The following TAAR6 variants were observed in gnomAD, a reference collection of about 807,000 sequenced individuals.
TAAR6 encodes trace amine-associated receptor 6.
TAAR6 carries 15 observed loss-of-function variants against 18.4 expected under a neutral mutation model. That is an observed-to-expected ratio of 0.82 (90% CI 0.55 to 1.26). The LOEUF is 1.26. TAAR6 is among the 50% of genes most tolerant of loss of function. TAAR6 has a pLI of 0.00. For missense variants in TAAR6, 501 were observed against 415.9 expected (o/e 1.20, Z -1.78); for synonymous variants, 192 against 162.4 (o/e 1.18, Z -1.39).
At position 132,570,713 on chromosome 6, in the gene TAAR6, A is replaced by G. The variant is rs1401506452; in HGVS notation, c.392A>G (p.Tyr131Cys). 1.9e-6 allele frequency: 3 copies of G among 1,614,124 alleles called. No individual in the cohort carries two copies. The highest frequency in any genetic ancestry group is 1.1e-5 in the South Asian group (1 of 91,078). ...TTGTGCTTCATCTCCATCGACAGGT[A>G]CATTGCGGTTACTGACCCCCTGGTC... ...FHLCFISIDR[Y>C]IAVTDPLVYP... The change falls in exon 1 of 1, where the codon TAC (tyrosine) becomes TGC (cysteine). Residue 131 changes from tyrosine (Y) to cysteine (C), a missense_variant. Tyr to Cys is a radical substitution (Grantham distance 194, BLOSUM62 -2). Transcript: ENST00000275198.
Position 132,571,154 on chromosome 6 carries a change from C to A in TAAR6, c.833C>A (p.Ser278Ter). ...MISWLPYSID[S>*]LIDAFMGFIT... ...TCATGGTTACCATATAGCATTGATT[C>A]ATTAATTGATGCCTTTATGGGCTTT... The change falls in exon 1 of 1, where the codon TCA becomes TAA. Residue 278 changes from serine to a stop codon, truncating the protein, a stop_gained. Coordinates refer to ENST00000275198, the MANE Select transcript of TAAR6 (RefSeq NM_175067.1). LOFTEE classifies it high-confidence loss of function. 2.5e-6 allele frequency: 4 copies of A among 1,613,982 alleles called. No individual in the cohort carries two copies. Among genetic ancestry groups the A allele is most frequent in the Non-Finnish European group, 3.4e-6 (4 of 1,179,966 alleles).
rs41298393 is a variant in TAAR6 at position 132,570,536 on chromosome 6, C to A, written c.215C>A (p.Ala72Asp). ...QLHSPTNFLV[A>D]SLACADFLVG... ...CACTCTCCGACCAATTTTCTCGTTG[C>A]CTCTCTGGCCTGCGCTGATTTCTTG... The change falls in exon 1 of 1, where the codon GCC (alanine) becomes GAC (aspartate). Residue 72 changes from alanine to aspartate, a missense_variant. By Grantham distance (126) the Ala-to-Asp change is moderately radical. Coordinates refer to ENST00000275198, the MANE Select transcript of TAAR6 (RefSeq NM_175067.1). The A allele has an allele frequency of 6.2e-7, 1 of 1,613,966 alleles. No individual in the cohort carries two copies. Among genetic ancestry groups the A allele is most frequent in the Non-Finnish European group, 8.5e-7 (1 of 1,179,988 alleles).
At position 132,571,062 on chromosome 6, in the gene TAAR6, C is replaced by CA; in HGVS notation, c.742dup (p.Arg248LysfsTer11). 1 of 1,613,996 alleles carries CA rather than the reference C, an allele frequency of 6.2e-7. No homozygotes were observed. Among genetic ancestry groups the CA allele is most frequent in the Non-Finnish European group, 8.5e-7 (1 of 1,179,992 alleles). On this transcript the variant is annotated frameshift_variant, in exon 1 of 1. Coordinates refer to ENST00000275198, the MANE Select transcript of TAAR6 (RefSeq NM_175067.1). LOFTEE classifies it high-confidence loss of function. ...AATCATCCTCAGAGAGTTACAAAGC[C>CA]AGAGTGGCCAGGAGAGAGAGAAAAG... is the stretch of plus-strand genomic sequence containing the variant.
chr6:132,570,370 A>T lies in TAAR6; in HGVS notation c.49A>T (p.Asn17Tyr). ...LLVAVQLCYA[N>Y]VNGSCVKIPF... ...GGTGGCTGTGCAGCTGTGCTACGCGAACGTGAATGGGTCCTGTGTGAAAAT... is the reference window on the plus strand; with the variant it reads ...GGTGGCTGTGCAGCTGTGCTACGCGTACGTGAATGGGTCCTGTGTGAAAAT... Residue 17 changes from asparagine to tyrosine, a missense_variant, in exon 1 of 1, where the codon AAC becomes TAC. Transcript: ENST00000275198. 6.2e-7 allele frequency: 1 copy of T among 1,614,040 alleles called. No individual in the cohort carries two copies. The highest frequency in any genetic ancestry group is 2.2e-5 in the East Asian group (1 of 44,878).
In TAAR6 at chr6:132,570,582, C is replaced by T. The variant is rs994006020; in HGVS notation, c.261C>T (p.Pro87=). 2 of 1,613,982 alleles carry T rather than the reference C, an allele frequency of 1.2e-6. No individual in the cohort carries two copies. The highest frequency in any genetic ancestry group is 2.7e-5 in the African/African-American group (2 of 74,902). Residue 87 remains proline, a synonymous_variant, in exon 1 of 1, where the codon CCC becomes CCT. Coordinates refer to ENST00000275198, the MANE Select transcript of TAAR6 (RefSeq NM_175067.1). The stretch of plus-strand genomic sequence containing the variant: ...TCTTGGTGGGTGTGACTGTGATGCC[C>T]TTCAGCATGGTCAGGACGGTGGAGA... The part of the protein sequence containing the change: ...ADFLVGVTVM[P]FSMVRTVESC...
rs144101124 is a variant in TAAR6 at position 132,571,143 on chromosome 6, T to C, written c.822T>C (p.Tyr274=). Reference sequence around the variant, plus strand: ...CATTTATGATTTCATGGTTACCATATAGCATTGATTCATTAATTGATGCCT... The same window carrying C: ...CATTTATGATTTCATGGTTACCATACAGCATTGATTCATTAATTGATGCCT... ...VVAFMISWLP[Y]SIDSLIDAFM... The change falls in exon 1 of 1, where the codon TAT becomes TAC. Residue 274 remains tyrosine, a synonymous_variant. Transcript: ENST00000275198. 151 of 1,614,118 alleles carry C rather than the reference T, an allele frequency of 9.4e-5. 1 individual carries two copies. Among genetic ancestry groups the C allele is most frequent in the Middle Eastern group, 6.6e-4 (4 of 6,058 alleles).
Position 132,571,082 on chromosome 6 carries a change from G to T in TAAR6, c.761G>T (p.Arg254Ile). 1.9e-6 allele frequency: 3 copies of T among 1,614,080 alleles called. No homozygotes were observed. The highest frequency in any genetic ancestry group is 1.7e-6 in the Non-Finnish European group (2 of 1,179,988). ...AAAGCCAGAGTGGCCAGGAGAGAGA[G>T]AAAAGCAGCTAAAACCCTGGGGGTC... ...SYKARVARRE[R>I]KAAKTLGVTV... Residue 254 changes from arginine to isoleucine, a missense_variant, in exon 1 of 1, where the codon AGA becomes ATA. Coordinates refer to ENST00000275198, the MANE Select transcript of TAAR6 (RefSeq NM_175067.1).
chr6:132,570,861 A>T lies in TAAR6; in HGVS notation c.540A>T (p.Leu180Phe), dbSNP rs901294986. The stretch of plus-strand genomic sequence containing the variant: ...TCTATGACGATGGGCTGGAGGAATT[A>T]TCTGATGCCCTAAACTGTATAGGAG... ...TGVYDDGLEE[L>F]SDALNCIGGC... Residue 180 changes from leucine to phenylalanine, a missense_variant, in exon 1 of 1, where the codon TTA becomes TTT. Leu to Phe is a conservative substitution (Grantham distance 22). Transcript: ENST00000275198. 2 of 1,614,038 alleles carry T rather than the reference A, an allele frequency of 1.2e-6. No individual in the cohort carries two copies. Among genetic ancestry groups the T allele is most frequent in the Non-Finnish European group, 1.7e-6 (2 of 1,180,004 alleles).
Position 132,570,741 on chromosome 6 carries a change from T to C in TAAR6, c.420T>C (p.Tyr140=). 4.3e-6 allele frequency: 7 copies of C among 1,614,178 alleles called. No homozygotes were observed. Among genetic ancestry groups the C allele is most frequent in the Non-Finnish European group, 5.9e-6 (7 of 1,179,996 alleles). ...TTGCGGTTACTGACCCCCTGGTCTA[T>C]CCTACCAAGTTCACCGTATCTGTGT... ...RYIAVTDPLV[Y]PTKFTVSVSG... Residue 140 remains tyrosine (Y), a synonymous_variant, in exon 1 of 1, where the codon TAT becomes TAC. Transcript: ENST00000275198.
At position 132,571,022 on chromosome 6, in the gene TAAR6, C is replaced by G. The variant is rs369763872; in HGVS notation, c.701C>G (p.Thr234Ser). The G allele has an allele frequency of 6.2e-7, 1 of 1,614,004 alleles. No homozygotes were observed. The highest frequency in any genetic ancestry group is 2.2e-5 in the East Asian group (1 of 44,834). The change falls in exon 1 of 1, where the codon ACT becomes AGT. Residue 234 changes from threonine to serine, a missense_variant. Thr to Ser is a moderately conservative substitution (Grantham distance 58). Coordinates refer to ENST00000275198, the MANE Select transcript of TAAR6 (RefSeq NM_175067.1). The part of the protein sequence containing the change: ...ARRQAKKIEN[T>S]GSKTESSSES... Reference sequence around the variant, plus strand: ...CGACAGGCGAAAAAGATAGAAAATACTGGTAGCAAGACAGAATCATCCTCA... The same window carrying G: ...CGACAGGCGAAAAAGATAGAAAATAGTGGTAGCAAGACAGAATCATCCTCA...
Position 132,571,118 on chromosome 6 carries a change from C to T in TAAR6, c.797C>T (p.Ala266Val). ...AAKTLGVTVV[A>V]FMISWLPYSI... ...AAAACCCTGGGGGTCACAGTGGTAG[C>T]ATTTATGATTTCATGGTTACCATAT... Residue 266 changes from alanine to valine, a missense_variant, in exon 1 of 1, where the codon GCA (alanine) becomes GTA (valine). By Grantham distance (64) the Ala-to-Val change is moderately conservative. Transcript: ENST00000275198. The T allele has an allele frequency of 6.2e-7, 1 of 1,613,996 alleles. No individual in the cohort carries two copies. The highest frequency in any genetic ancestry group is 1.3e-5 in the African/African-American group (1 of 75,012).
chr6:132,571,146 C>A lies in TAAR6; in HGVS notation c.825C>A (p.Ser275Arg), dbSNP rs763614251. 1 of 1,613,910 alleles carries A rather than the reference C, an allele frequency of 6.2e-7. No homozygotes were observed. Among genetic ancestry groups the A allele is most frequent in the Non-Finnish European group, 8.5e-7 (1 of 1,179,976 alleles). Reference protein sequence around the residue: ...VAFMISWLPYSIDSLIDAFMG... With the variant: ...VAFMISWLPYRIDSLIDAFMG... ...TTATGATTTCATGGTTACCATATAG[C>A]ATTGATTCATTAATTGATGCCTTTA... The change falls in exon 1 of 1, where the codon AGC (serine) becomes AGA (arginine). Residue 275 changes from serine (S) to arginine (R), a missense_variant. Physicochemically the swap from Ser to Arg is moderately radical, Grantham distance 110 (BLOSUM62 -1). Transcript: ENST00000275198.
Position 132,570,789 on chromosome 6 carries a change from C to G in TAAR6, c.468C>G (p.Ser156=), listed in dbSNP as rs763440114. Reference sequence around the variant, plus strand: ...TGTCAGGAATTTGCATCAGCGTGTCCTGGATCCTGCCCCTCATGTACAGCG... The same window carrying G: ...TGTCAGGAATTTGCATCAGCGTGTCGTGGATCCTGCCCCTCATGTACAGCG... The part of the protein sequence containing the change: ...VSVSGICISV[S]WILPLMYSGA... The change falls in exon 1 of 1, where the codon TCC becomes TCG. Residue 156 remains serine, a synonymous_variant. Transcript: ENST00000275198. The G allele has an allele frequency of 3.1e-6, 5 of 1,613,996 alleles. No homozygotes were observed. Among genetic ancestry groups the G allele is most frequent in the Admixed American group, 1.7e-5 (1 of 59,994 alleles).
At position 132,570,778 on chromosome 6, in the gene TAAR6, A is replaced by T; in HGVS notation, c.457A>T (p.Ile153Phe). The T allele has an allele frequency of 6.2e-7, 1 of 1,614,104 alleles. No individual in the cohort carries two copies. The highest frequency in any genetic ancestry group is 8.5e-7 in the Non-Finnish European group (1 of 1,179,992). The change falls in exon 1 of 1, where the codon ATC becomes TTC. Residue 153 changes from isoleucine (I) to phenylalanine (F), a missense_variant. Ile to Phe is a conservative substitution (Grantham distance 21). Transcript: ENST00000275198. ...CACCGTATCTGTGTCAGGAATTTGC[A>T]TCAGCGTGTCCTGGATCCTGCCCCT... is the stretch of plus-strand genomic sequence containing the variant. ...KFTVSVSGIC[I>F]SVSWILPLMY...
rs1562181140 is a variant in TAAR6 at position 132,571,180 on chromosome 6, AT to A, written c.860del (p.Ile287LysfsTer20). 1 of 1,614,100 alleles carries A rather than the reference AT, an allele frequency of 6.2e-7. No homozygotes were observed. ...DSLIDAFMGFITPACIYEICC... is the reference protein window; with the variant it reads ...DSLIDAFMGFXTPACIYEICC... ...ATTAATTGATGCCTTTATGGGCTTT[AT>A]AACCCCTGCCTGTATTTATGAGATT... On this transcript the variant is annotated frameshift_variant, in exon 1 of 1. Transcript: ENST00000275198. LOFTEE classifies it high-confidence loss of function.
Position 132,570,951 on chromosome 6 carries a change from C to G in TAAR6, c.630C>G (p.Thr210=), listed in dbSNP as rs17061407. ...ATTTTCTATCCTTCTTTATACCTAC[C>G]TTTATTATGATAATTCTGTATGGTA... ...LTDFLSFFIP[T]FIMIILYGNI... is the part of the protein sequence containing the mutation. The change falls in exon 1 of 1, where the codon ACC becomes ACG. Residue 210 remains threonine (T), a synonymous_variant. Coordinates refer to ENST00000275198, the MANE Select transcript of TAAR6 (RefSeq NM_175067.1). 3.5e-4 allele frequency: 560 copies of G among 1,614,054 alleles called. No homozygotes were observed. The highest frequency in any genetic ancestry group is 4.3e-4 in the Non-Finnish European group (508 of 1,179,992).
Position 132,570,690 on chromosome 6 carries a change from G to C in TAAR6, c.369G>C (p.Leu123Phe). The part of the protein sequence containing the change: ...VAFCYSSLFH[L>F]CFISIDRYIA... Reference sequence around the variant, plus strand: ...TTTGTTACTCTTCTCTCTTTCACTTGTGCTTCATCTCCATCGACAGGTACA... The same window carrying C: ...TTTGTTACTCTTCTCTCTTTCACTTCTGCTTCATCTCCATCGACAGGTACA... The change falls in exon 1 of 1, where the codon TTG becomes TTC. Residue 123 changes from leucine (L) to phenylalanine (F), a missense_variant. Physicochemically the swap from Leu to Phe is conservative, Grantham distance 22. Transcript: ENST00000275198. 2 of 1,614,010 alleles carry C rather than the reference G, an allele frequency of 1.2e-6. No homozygotes were observed. Among genetic ancestry groups the C allele is most frequent in the Non-Finnish European group, 1.7e-6 (2 of 1,179,984 alleles).
Position 132,570,591 on chromosome 6 carries a change from G to A in TAAR6, c.270G>A (p.Met90Ile). ...LVGVTVMPFS[M>I]VRTVESCWYF... ...GTGTGACTGTGATGCCCTTCAGCATGGTCAGGACGGTGGAGAGCTGCTGGT... is the reference window on the plus strand; with the variant it reads ...GTGTGACTGTGATGCCCTTCAGCATAGTCAGGACGGTGGAGAGCTGCTGGT... The change falls in exon 1 of 1, where the codon ATG becomes ATA. Residue 90 changes from methionine to isoleucine, a missense_variant. By Grantham distance (10) the Met-to-Ile change is conservative. Coordinates refer to ENST00000275198, the MANE Select transcript of TAAR6 (RefSeq NM_175067.1). The A allele has an allele frequency of 1.2e-6, 2 of 1,614,116 alleles. No homozygotes were observed. Among genetic ancestry groups the A allele is most frequent in the Non-Finnish European group, 1.7e-6 (2 of 1,180,006 alleles).
In TAAR6 at chr6:132,570,723, T is replaced by G; in HGVS notation, c.402T>G (p.Val134=). 1 of 1,614,156 alleles carries G rather than the reference T, an allele frequency of 6.2e-7. No individual in the cohort carries two copies. Among genetic ancestry groups the G allele is most frequent in the South Asian group, 1.1e-5 (1 of 91,080 alleles). Residue 134 remains valine (V), a synonymous_variant, in exon 1 of 1, where the codon GTT becomes GTG. Transcript: ENST00000275198. ...CFISIDRYIA[V]TDPLVYPTKF... The stretch of plus-strand genomic sequence containing the variant: ...TCTCCATCGACAGGTACATTGCGGT[T>G]ACTGACCCCCTGGTCTATCCTACCA...
Sources: allele counts gnomAD v4.1 joint callset, GRCh38; gene constraint gnomAD v4.1.1; transcripts MANE v1.5; gene names NCBI Gene and HGNC (gene_info 2026-07-23, HGNC 2026-07-21).